Variants in NDUFV2 observed in about 807,000 individuals in gnomAD.
NDUFV2 encodes NADH dehydrogenase [ubiquinone] flavoprotein 2, mitochondrial.
Under a neutral mutation model 31.6 loss-of-function variants are expected in NDUFV2, and 18 were observed. The ratio of observed to expected loss-of-function variants is 0.57; its 90% CI spans 0.39 to 0.84. NDUFV2 has a LOEUF of 0.84. Among genes scored for constraint, NDUFV2 ranks in the 40% least tolerant of loss-of-function variants. The pLI, the probability that NDUFV2 is intolerant of heterozygous loss-of-function variation, is 0.00. For missense variants in NDUFV2, 314 were observed against 303.6 expected (o/e 1.03, Z -0.26); for synonymous variants, 83 against 99.8 (o/e 0.83, Z 1.01).
At chr18:9,109,956 T>C (rs976512347) in intron 1 of NDUFV2, among the ~76,000 whole-genome samples, 3 of 152,212 alleles carry the variant, frequency 2.0e-5, no homozygotes, top group Admixed American at 6.5e-5. Flanking sequence ...GTATATTAGG[T>C]TATGATCTTA....
intron 1 of NDUFV2, chr18:9,103,476 T>A (rs190681882): frequency 4.5e-5 from 10 of 223,176 alleles, no homozygotes; most frequent in Non-Finnish European, 5.2e-5. Flanking sequence ...AAACACTCCT[T>A]CACGTTAATC....
chr18:9,126,749 A>T, intron 6 of NDUFV2, 82 bp from the exon 7 acceptor site: 2 of 1,270,218 alleles, frequency 1.6e-6, no homozygotes, highest in Non-Finnish European at 2.3e-6. Flanking sequence ...AGCCTGGGCA[A>T]CATAGTGAGA....
At chr18:9,126,593 C>A (rs2077992708) in intron 6 of NDUFV2, 2 of 473,594 alleles carry the variant, frequency 4.2e-6, no homozygotes, top group Non-Finnish European at 7.8e-6. Context: ...TGAGCTGAGA[C>A]AGACAATAAA....
intron 6 of NDUFV2, 66 bp downstream of exon 6, chr18:9,125,049 G>C (rs1439134747): frequency 3.3e-6 from 5 of 1,499,122 alleles, no homozygotes; most frequent in Non-Finnish European, 4.6e-6. Context: ...TTAAATATTT[G>C]ATTTTGTGTC....
chr18:9,118,825 T>TG (rs1555697091), intron 2 of NDUFV2, among the ~76,000 whole-genome samples: 14 of 148,476 alleles, frequency 9.4e-5, no homozygotes, highest in Non-Finnish European at 1.8e-4. Flanking sequence ...GTTTTTTTTT[T>TG]TTTTTTTTTT....
rs540896153 is a variant in NDUFV2, at chr18:9,103,837, G to A, written c.54+1040G>A. On this transcript the variant is annotated intron_variant, in intron 1 of 7. Coordinates refer to ENST00000318388, the MANE Select transcript of NDUFV2 (RefSeq NM_021074.5). ...ATGCACTGCTGAGCTCTAGTTAACA[G>A]TGTGGATAATAATGATAGTCATTTG... 8 of 255,160 alleles carry A rather than the reference G, an allele frequency of 3.1e-5. No individual in the cohort carries two copies. The South Asian group carries it at 5.4e-4, about 17-fold the overall frequency. The allele number at this position is 255,160 out of a possible 1,614,324, so 15.8% of individuals were successfully genotyped here.
At chr18:9,119,273 A>G in intron 2 of NDUFV2, 53 bp from the exon 3 acceptor site, 2 of 1,355,658 alleles carry the variant, frequency 1.5e-6, no homozygotes, top group East Asian at 2.3e-5. Context: ...GTACAGTGTC[A>G]TTCACACTTG....
At chr18:9,127,035 A>G (rs1320202353) in intron 7 of NDUFV2, 128 bp downstream of exon 7, 3 of 777,748 alleles carry the variant, frequency 3.9e-6, no homozygotes, top group East Asian at 2.5e-5. Flanking sequence ...AGTATTATCT[A>G]TATGAATCTC....
At position 9,122,646 on chromosome 18, in the gene NDUFV2, C is replaced by CT. The variant is rs771236417; in HGVS notation, c.435dup (p.Asp146Ter). 3.1e-6 allele frequency: 5 copies of CT among 1,613,874 alleles called. No homozygotes were observed. Among genetic ancestry groups the CT allele is most frequent in the African/African-American group, 1.3e-5 (1 of 74,920 alleles). ...ACTACACCCTGCATGCTTCGAAACT[C>CT]TGACAGCATACTGGAGGCCATTCAG... On this transcript the variant is annotated frameshift_variant, in exon 5 of 8. Transcript: ENST00000318388. LOFTEE classifies it high-confidence loss of function.
intron 7 of NDUFV2, among the ~76,000 whole-genome samples, chr18:9,131,772 T>A (rs2078042254): frequency 6.6e-6 from 1 of 151,904 alleles, no homozygotes; most frequent in Admixed American, 6.5e-5. Flanking sequence ...GAACCATACT[T>A]TTTAAATTTT....
intron 5 of NDUFV2, 60 bp downstream of exon 5, chr18:9,122,741 G>A (rs2077949582): frequency 3.8e-6 from 6 of 1,568,458 alleles, no homozygotes; most frequent in Non-Finnish European, 5.3e-6. Flanking sequence ...TCTAGATTTG[G>A]TACATTTCTA....
chr18:9,124,860 A>G lies in NDUFV2; in HGVS notation c.470-14A>G, dbSNP rs1386909204. 6.2e-7 allele frequency: 1 copy of G among 1,603,124 alleles called. No individual in the cohort carries two copies. The highest frequency in any genetic ancestry group is 8.5e-7 in the Non-Finnish European group (1 of 1,174,472). On this transcript the variant is annotated splice_polypyrimidine_tract_variant and intron_variant, in intron 5 of 7. Transcript: ENST00000318388. ...ATATAACCTGGTCCTTAGAGTGTTT[A>G]TTTGTATTTTTAGGAATAAAGGTTG...
intron 2 of NDUFV2, 123 bp downstream of exon 2, chr18:9,118,026 T>C: frequency 1.4e-6 from 1 of 707,306 alleles, no homozygotes; most frequent in South Asian, 1.6e-5. Context: ...CGTGAGAATT[T>C]ACATACAGCT....
chr18:9,102,740 C>T lies in NDUFV2; in HGVS notation c.-4C>T, dbSNP rs201985522. Reference sequence around the variant, plus strand: ...GCTGGGGAAGGTGAACAGTGTGGCCCGCCATGTTCTTCTCCGCGGCGCTCC... The same window carrying T: ...GCTGGGGAAGGTGAACAGTGTGGCCTGCCATGTTCTTCTCCGCGGCGCTCC... On this transcript the variant is annotated 5_prime_UTR_variant, in exon 1 of 8. Coordinates refer to ENST00000318388, the MANE Select transcript of NDUFV2 (RefSeq NM_021074.5). 1.2e-5 allele frequency: 19 copies of T among 1,587,558 alleles called. No individual in the cohort carries two copies. The highest frequency in any genetic ancestry group is 3.5e-5 in the Admixed American group (2 of 56,628).
intron 7 of NDUFV2, among the ~76,000 whole-genome samples, chr18:9,129,233 GC>G (rs2078019434): frequency 6.6e-6 from 1 of 152,084 alleles, no homozygotes; most frequent in African/African-American, 2.4e-5. Flanking sequence ...GAGCCACCAC[GC>G]CCGGCCACTT....
chr18:9,131,209 C>T, intron 7 of NDUFV2, among the ~76,000 whole-genome samples: 1 of 152,158 alleles, frequency 6.6e-6, no homozygotes, highest in East Asian at 1.9e-4. Flanking sequence ...CAAGTCTTAT[C>T]ATTTTCATGT....
chr18:9,123,844 G>A (rs963433573), intron 5 of NDUFV2, among the ~76,000 whole-genome samples: 4 of 152,254 alleles, frequency 2.6e-5, no homozygotes, highest in South Asian at 2.1e-4. Context: ...ACATCTTTGC[G>A]TACTTGTCCT....
rs541666623 is a variant in NDUFV2 at position 9,116,609 on chromosome 18, C to T, written c.55-1229C>T. Among the ~76,000 whole-genome samples the T allele has an allele frequency of 5.9e-5, 9 of 152,284 alleles. No homozygotes were observed. The South Asian group carries it at 8.3e-4, about 14-fold the overall frequency. On this transcript the variant is annotated intron_variant, in intron 1 of 7. Transcript: ENST00000318388. ...ATATTTATCACTCCCATCTTTTGTA[C>T]GTGTGTCTCACATCCTGTACCTTAG...
rs777760311 is a variant in NDUFV2, at chr18:9,102,754, C to T, written c.11C>T (p.Ser4Phe). Reference sequence around the variant, plus strand: ...ACAGTGTGGCCCGCCATGTTCTTCTCCGCGGCGCTCCGGGCCCGGGCGGCT... The same window carrying T: ...ACAGTGTGGCCCGCCATGTTCTTCTTCGCGGCGCTCCGGGCCCGGGCGGCT... MFF[S>F]AALRARAAGL... Residue 4 changes from serine to phenylalanine, a missense_variant, in exon 1 of 8, where the codon TCC becomes TTC. Transcript: ENST00000318388. 5.7e-6 allele frequency: 9 copies of T among 1,588,106 alleles called. No homozygotes were observed. Among genetic ancestry groups the T allele is most frequent in the East Asian group, 2.3e-5 (1 of 43,490 alleles).
Sources: allele counts gnomAD v4.1 joint callset (sites outside exome capture counted in the v4.1 genomes callset), GRCh38; gene constraint gnomAD v4.1.1; transcripts MANE v1.5; gene names NCBI Gene and HGNC (gene_info 2026-07-23, HGNC 2026-07-21).